BLTP3B: variants seen among roughly 807,000 people sequenced by gnomAD.
The protein encoded by BLTP3B is UHRF1 (ICBP90) binding protein 1-like.
At chr12:100,097,149 A>T in the BLTP3B span, among the ~76,000 whole-genome samples, 2 of 152,198 alleles carry the variant, frequency 1.3e-5, no homozygotes, top group African/African-American at 4.8e-5. Context: ...TAAACCTAAG[A>T]CTGAAGAACA....
At chr12:100,140,725 A>ATATATAT in the BLTP3B span, among the ~76,000 whole-genome samples, 1 of 95,478 alleles carries the variant, frequency 1.0e-5, no homozygotes, top group African/African-American at 5.7e-5. Flanking sequence ...AAAAAAAAAA[A>ATATATAT]AAAAATATAT....
At chr12:100,055,514 C>T in the BLTP3B span, among the ~76,000 whole-genome samples, 1 of 151,202 alleles carries the variant, frequency 6.6e-6, no homozygotes, top group Middle Eastern at 3.2e-3. Context: ...TCATCTCTAC[C>T]AAAAATACAA....
the BLTP3B span, among the ~76,000 whole-genome samples, chr12:100,075,362 A>G: frequency 6.6e-6 from 1 of 152,286 alleles, no homozygotes; most frequent in Admixed American, 6.5e-5. Context: ...ATATTTAAAT[A>G]TAAGAAGTCA....
the BLTP3B span, among the ~76,000 whole-genome samples, chr12:100,075,451 C>T: frequency 4.5e-3 from 680 of 152,188 alleles, 7 homozygotes; most frequent in South Asian, 6.4e-3. Flanking sequence ...TGGCTAAGAC[C>T]TCAACGGCAA....
the BLTP3B span, among the ~76,000 whole-genome samples, chr12:100,091,497 GTATTTTATTC>G: frequency 6.8e-6 from 1 of 146,238 alleles, no homozygotes; most frequent in Non-Finnish European, 1.5e-5. Flanking sequence ...CCCTAATTTT[GTATTTTATTC>G]TATTTTATTT....
At chr12:100,048,532 A>G in the BLTP3B span, among the ~76,000 whole-genome samples, 1 of 152,124 alleles carries the variant, frequency 6.6e-6, no homozygotes. Flanking sequence ...TGAAGCAGAA[A>G]TAAGTCAGAC....
chr12:100,060,123 G>T, the BLTP3B span: 3 of 1,127,770 alleles, frequency 2.7e-6, no homozygotes, highest in East Asian at 2.9e-5. Flanking sequence ...TACATGTTTA[G>T]TCAGTTTTAT....
chr12:100,065,638 C>T, the BLTP3B span, among the ~76,000 whole-genome samples: 2 of 152,208 alleles, frequency 1.3e-5, no homozygotes, highest in East Asian at 3.9e-4. Context: ...AGACCACTCC[C>T]CAGTAAATTT....
the BLTP3B span, among the ~76,000 whole-genome samples, chr12:100,118,331 G>T: frequency 6.6e-6 from 1 of 152,110 alleles, no homozygotes; most frequent in Non-Finnish European, 1.5e-5. Flanking sequence ...GGTTGAGGCT[G>T]CAGTGAGTCA....
chr12:100,113,077 G>T, the BLTP3B span, among the ~76,000 whole-genome samples: 3 of 151,400 alleles, frequency 2.0e-5, no homozygotes, highest in Admixed American at 6.6e-5. Context: ...AGGCTAAGGT[G>T]GGGGGATCAC....
the BLTP3B span, among the ~76,000 whole-genome samples, chr12:100,120,379 GA>G: frequency 4.7e-4 from 71 of 150,820 alleles, no homozygotes; most frequent in African/African-American, 1.7e-3. Context: ...TCTCAAAAAA[GA>G]AAAAAATAAA....
the BLTP3B span, chr12:100,095,556 G>A: frequency 7.5e-6 from 9 of 1,193,018 alleles, no homozygotes; most frequent in East Asian, 2.5e-5. Context: ...GAAGATTCTT[G>A]TACTCAAAAC....
At chr12:100,074,795 A>G in the BLTP3B span, among the ~76,000 whole-genome samples, 2 of 152,144 alleles carry the variant, frequency 1.3e-5, no homozygotes, top group Non-Finnish European at 2.9e-5. Context: ...TAACTATACT[A>G]TAAGGAACCA....
At chr12:100,136,080 G>A in the BLTP3B span, among the ~76,000 whole-genome samples, 10 of 151,902 alleles carry the variant, frequency 6.6e-5, no homozygotes, top group Admixed American at 6.6e-4. Context: ...GTGTGGTGGT[G>A]CATGTCTGTA....
chr12:100,085,731 A>G, the BLTP3B span, among the ~76,000 whole-genome samples: 1 of 152,162 alleles, frequency 6.6e-6, no homozygotes, highest in Admixed American at 6.5e-5. Context: ...ATAAAGTCAA[A>G]TTAATTTGGT....
At chr12:100,057,192 G>A in the BLTP3B span, among the ~76,000 whole-genome samples, 10 of 152,068 alleles carry the variant, frequency 6.6e-5, no homozygotes, top group East Asian at 1.9e-4. Flanking sequence ...CCTTAATGTC[G>A]CCTGCTTTAT....
chr12:100,045,354 A>C, the BLTP3B span, among the ~76,000 whole-genome samples: 2 of 152,216 alleles, frequency 1.3e-5, no homozygotes, highest in African/African-American at 2.4e-5. Context: ...AAACTATACT[A>C]CAATGCTACA....
chr12:100,045,385 G>A, the BLTP3B span, among the ~76,000 whole-genome samples: 25 of 151,798 alleles, frequency 1.6e-4, no homozygotes, highest in Middle Eastern at 3.4e-3. Context: ...CAGATACATA[G>A]ATCAGTGGAA....
At chr12:100,050,869 T>C in the BLTP3B span, among the ~76,000 whole-genome samples, 1 of 151,922 alleles carries the variant, frequency 6.6e-6, no homozygotes, top group Admixed American at 6.6e-5. Context: ...GAGCCTCCAC[T>C]CCTCAATATG....
Sources: allele counts gnomAD v4.1 joint callset (sites outside exome capture counted in the v4.1 genomes callset), GRCh38; gene constraint gnomAD v4.1.1; transcripts MANE v1.5; gene names NCBI Gene and HGNC (gene_info 2026-07-23, HGNC 2026-07-21).